PRKCH: variants seen among roughly 807,000 people sequenced by gnomAD.
PRKCH encodes protein kinase C eta type.
In PRKCH, 28 loss-of-function variants were observed where a neutral mutation model predicts 82.5. The observed-to-expected ratio is 0.34, with a 90% CI of 0.25 to 0.47. The LOEUF (loss-of-function observed/expected upper bound fraction) is 0.47. Among genes scored for constraint, PRKCH ranks in the 20% least tolerant of loss-of-function variants. PRKCH has a pLI of 1.00. For missense variants in PRKCH, 705 were observed against 881.8 expected, an observed-to-expected ratio of 0.80 and a Z score of 2.54; for synonymous variants, 322 against 327.4, an observed-to-expected ratio of 0.98 and a Z score of 0.18.
chr14:61,200,115 A>G (rs562145968), intron 1 of PRKCH, among the ~76,000 whole-genome samples: 2 of 152,346 alleles, frequency 1.3e-5, no homozygotes, highest in African/African-American at 4.8e-5. Context: ...TGACTAAAGG[A>G]CAAGACTGAC....
At chr14:61,238,632 C>G (rs992318329) in intron 1 of PRKCH, among the ~76,000 whole-genome samples, 2 of 152,172 alleles carry the variant, frequency 1.3e-5, no homozygotes, top group African/African-American at 4.8e-5. Context: ...AATCCCCTGA[C>G]TCTCCTCTTT....
At chr14:61,246,220 A>T (rs1412493959) in intron 1 of PRKCH, among the ~76,000 whole-genome samples, 1 of 151,160 alleles carries the variant, frequency 6.6e-6, no homozygotes, top group Admixed American at 6.6e-5. Flanking sequence ...AGCCTGACCA[A>T]CATGGCAAAA....
chr14:61,313,046 C>T (rs1284161870), intron 1 of PRKCH, among the ~76,000 whole-genome samples: 1 of 152,162 alleles, frequency 6.6e-6, no homozygotes, highest in African/African-American at 2.4e-5. Context: ...GACCTAAAGG[C>T]AATTCCAAAG....
At chr14:61,326,498 T>C (rs1255624427) in intron 1 of PRKCH, among the ~76,000 whole-genome samples, 1 of 152,234 alleles carries the variant, frequency 6.6e-6, no homozygotes, top group Non-Finnish European at 1.5e-5. Flanking sequence ...TGTGTTATTC[T>C]GATTGTGGCA....
intron 1 of PRKCH, among the ~76,000 whole-genome samples, chr14:61,293,537 C>T (rs1052164681): frequency 2.0e-5 from 3 of 152,166 alleles, no homozygotes; most frequent in African/African-American, 2.4e-5. Flanking sequence ...CTTGTACAAA[C>T]GGAATACTCA....
chr14:61,309,155 A>G (rs2045503632), intron 1 of PRKCH, among the ~76,000 whole-genome samples: 1 of 151,980 alleles, frequency 6.6e-6, no homozygotes, highest in Non-Finnish European at 1.5e-5. Flanking sequence ...TGGTGGCACA[A>G]GCCTGTAGTT....
At chr14:61,239,771 G>A (rs1160319518) in intron 1 of PRKCH, among the ~76,000 whole-genome samples, 1 of 152,082 alleles carries the variant, frequency 6.6e-6, no homozygotes, top group African/African-American at 2.4e-5. Context: ...GTAAACACAG[G>A]TCTTAGAGGT....
At chr14:61,352,227 T>C (rs1878122464) in intron 1 of PRKCH, among the ~76,000 whole-genome samples, 1 of 152,222 alleles carries the variant, frequency 6.6e-6, no homozygotes, top group African/African-American at 2.4e-5. Flanking sequence ...GTAGGTTTCC[T>C]CCCTAATAAT....
chr14:61,466,589 T>C (rs1885270259), intron 9 of PRKCH, among the ~76,000 whole-genome samples: 3 of 152,174 alleles, frequency 2.0e-5, no homozygotes, highest in African/African-American at 7.2e-5. Flanking sequence ...AGACCCAGTT[T>C]ATGGAAGCAA....
chr14:61,395,132 T>G (rs1474248185), intron 2 of PRKCH, among the ~76,000 whole-genome samples: 1 of 152,188 alleles, frequency 6.6e-6, no homozygotes, highest in African/African-American at 2.4e-5. Flanking sequence ...CCATATCTGT[T>G]CTCTGTGTCT....
chr14:61,385,576 C>T (rs925429995), intron 1 of PRKCH, among the ~76,000 whole-genome samples: 43 of 152,156 alleles, frequency 2.8e-4, no homozygotes, highest in Admixed American at 5.2e-4. Context: ...TCAAGATCAA[C>T]GTTAATGATA....
At chr14:61,460,098 C>T (rs1428013832) in intron 9 of PRKCH, among the ~76,000 whole-genome samples, 1 of 152,184 alleles carries the variant, frequency 6.6e-6, no homozygotes, top group Non-Finnish European at 1.5e-5. Context: ...CCACCCACCT[C>T]AGTCACTCAA....
chr14:61,342,143 C>T (rs879320191), intron 1 of PRKCH, among the ~76,000 whole-genome samples: 5 of 151,994 alleles, frequency 3.3e-5, no homozygotes, highest in South Asian at 2.1e-4. Context: ...GCCTTTCCTA[C>T]GTGGCCAACT....
In PRKCH at chr14:61,410,789, G is replaced by A. The variant is rs1882226872; in HGVS notation, c.427+19501G>A. Among the ~76,000 whole-genome samples the A allele has an allele frequency of 2.6e-5, 4 of 152,150 alleles. No homozygotes were observed. In the South Asian group the frequency reaches 6.2e-4, roughly 24 times the overall value. On this transcript the variant is annotated intron_variant, in intron 2 of 13. Coordinates refer to ENST00000332981, the MANE Select transcript of PRKCH (RefSeq NM_006255.5). ...AGCTACACATAAACATAGCCATCATGGCCAGGTCCCTTGGGTGGTCACATT... is the reference window on the plus strand; with the variant it reads ...AGCTACACATAAACATAGCCATCATAGCCAGGTCCCTTGGGTGGTCACATT...
intron 10 of PRKCH, among the ~76,000 whole-genome samples, chr14:61,511,017 T>A (rs1887354677): frequency 6.6e-6 from 1 of 152,020 alleles, no homozygotes; most frequent in Non-Finnish European, 1.5e-5. Flanking sequence ...GAGGAGACAC[T>A]TAGGGGTGGT....
chr14:61,452,694 G>T, intron 6 of PRKCH: 1 of 158,024 alleles, frequency 6.3e-6, no homozygotes, highest in Admixed American at 6.2e-5. Context: ...TCTCTGTGCT[G>T]TGAGGCCTGC....
rs755012009 is a variant in PRKCH, at chr14:61,322,156, G to T, written c.55G>T (p.Ala19Ser). ...NGYLRVRIGE[A>S]VGLQPTRWSL... The stretch of plus-strand genomic sequence containing the variant: ...CTATTTGAGGGTCCGCATCGGTGAG[G>T]CAGTGGGGCTGCAGCCCACCCGCTG... Residue 19 changes from alanine (A) to serine (S), a missense_variant, in exon 1 of 14, where the codon GCA becomes TCA. This residue lies in a region of PRKCH where 246 missense variants were observed against 308.0 expected (regional missense o/e 0.80). Coordinates refer to ENST00000332981, the MANE Select transcript of PRKCH (RefSeq NM_006255.5). 1 of 1,608,884 alleles carries T rather than the reference G, an allele frequency of 6.2e-7. No homozygotes were observed. Among genetic ancestry groups the T allele is most frequent in the African/African-American group, 1.3e-5 (1 of 74,886 alleles).
chr14:61,323,982 G>C (rs934498831), intron 1 of PRKCH, among the ~76,000 whole-genome samples: 9 of 152,212 alleles, frequency 5.9e-5, no homozygotes, highest in African/African-American at 2.2e-4. Context: ...TCTTCCTGGA[G>C]ATAGCCTAGA....
At chr14:61,266,303 A>T (rs2045100221) in intron 1 of PRKCH, among the ~76,000 whole-genome samples, 1 of 151,866 alleles carries the variant, frequency 6.6e-6, no homozygotes, top group African/African-American at 2.4e-5. Flanking sequence ...CTGTAATTCC[A>T]GCTACTCGGG....
Sources: allele counts gnomAD v4.1 joint callset (sites outside exome capture counted in the v4.1 genomes callset), GRCh38; gene constraint gnomAD v4.1.1; regional missense constraint gnomAD v4.1.1; transcripts MANE v1.5; gene names NCBI Gene and HGNC (gene_info 2026-07-23, HGNC 2026-07-21).